The following VSNL1 variants were observed in gnomAD, a reference collection of about 807,000 sequenced individuals.
VSNL1 encodes the protein visinin like 1.
In VSNL1, 6 loss-of-function variants were observed where a neutral mutation model predicts 20.4. The observed-to-expected ratio is 0.29, with a 90% CI of 0.16 to 0.58. The LOEUF is 0.58. Among genes scored for constraint, VSNL1 ranks in the 20% least tolerant of loss-of-function variants. The pLI, the probability that VSNL1 is intolerant of heterozygous loss-of-function variation, is 0.90. For synonymous variants in VSNL1, 93 were observed against 86.4 expected (o/e 1.08, Z -0.42); for missense variants, 100 against 234.5 (o/e 0.43, Z 3.75).
chr2:17,591,803 T>A (rs1273296735), intron 1 of VSNL1, among the ~76,000 whole-genome samples: 1 of 152,058 alleles, frequency 6.6e-6, no homozygotes, highest in Non-Finnish European at 1.5e-5. Flanking sequence ...GATGGTTGCC[T>A]TCCATTTGGG....
At chr2:17,654,096 A>G (rs1572227134) in intron 3 of VSNL1, among the ~76,000 whole-genome samples, 1 of 152,260 alleles carries the variant, frequency 6.6e-6, no homozygotes, top group South Asian at 2.1e-4. Flanking sequence ...GCTGTATCCT[A>G]TTTGTTTACA....
chr2:17,644,780 T>C (rs1048082706), intron 2 of VSNL1, among the ~76,000 whole-genome samples: 1 of 152,194 alleles, frequency 6.6e-6, no homozygotes, highest in East Asian at 1.9e-4. Context: ...ACTGTCTCAG[T>C]AGCAGGGCCT....
intron 2 of VSNL1, among the ~76,000 whole-genome samples, chr2:17,601,073 G>A (rs949092474): frequency 1.3e-5 from 2 of 152,258 alleles, no homozygotes; most frequent in African/African-American, 4.8e-5. Flanking sequence ...CCATGGTAGG[G>A]CAGGTGTCAT....
At chr2:17,564,910 T>C (rs1035961633) in intron 1 of VSNL1, among the ~76,000 whole-genome samples, 1 of 152,212 alleles carries the variant, frequency 6.6e-6, no homozygotes, top group Non-Finnish European at 1.5e-5. Context: ...TCAATTTAGT[T>C]GAATTTCTAT....
rs1558303600 is a variant in VSNL1 at position 17,622,544 on chromosome 2, GAAAGAAAGAAA to G, written c.163-26865_163-26855del. Among the ~76,000 whole-genome samples the G allele has an allele frequency of 3.0e-3, 173 of 58,088 alleles. 2 individuals carry two copies. Among genetic ancestry groups the G allele is most frequent in the Middle Eastern group, 8.2e-3 (1 of 122 alleles). 38.1% of individuals were successfully genotyped at this position (58,088 alleles called of 152,430 possible). On this transcript the variant is annotated intron_variant, in intron 2 of 3. Transcript: ENST00000295156. ...AAAAGAAAGAAAGAAAAGAAAGAAA[GAAAGAAAGAAA>G]GAAAGAAAGAAAGAAAGAAAGAAAG...
At chr2:17,632,921 A>AG (rs1236837415) in intron 2 of VSNL1, among the ~76,000 whole-genome samples, 4 of 152,228 alleles carry the variant, frequency 2.6e-5, no homozygotes, top group Non-Finnish European at 4.4e-5. Context: ...TGGGAAGCCA[A>AG]GGCAGGCAGA....
rs1666087188 is a variant in VSNL1 at position 17,649,862 on chromosome 2, C to T, written c.378+237C>T. On this transcript the variant is annotated intron_variant, in intron 3 of 3. Transcript: ENST00000295156. The surrounding 1 kb of genome is among the most constrained non-coding windows in gnomAD (Gnocchi z 6.4). ...GGCATTGTCATCTGCCATTCACTCA[C>T]TACTGGATCTCCCACGAACCTGTCT... is the stretch of plus-strand genomic sequence containing the variant. Among the ~76,000 whole-genome samples, 1 of 152,220 alleles carries T rather than the reference C, an allele frequency of 6.6e-6. No homozygotes were observed. Among genetic ancestry groups the T allele is most frequent in the African/African-American group, 2.4e-5 (1 of 41,458 alleles).
chr2:17,608,358 C>T (rs1665003531), intron 2 of VSNL1, among the ~76,000 whole-genome samples: 1 of 152,298 alleles, frequency 6.6e-6, no homozygotes, highest in East Asian at 1.9e-4. Context: ...ATGATGACAT[C>T]GTGTTAAAGC....
chr2:17,605,590 T>G lies in VSNL1; in HGVS notation c.162+13354T>G, dbSNP rs191172574. Among the ~76,000 whole-genome samples the G allele has an allele frequency of 3.8e-3, 576 of 152,114 alleles. 5 individuals are homozygous for G. The highest frequency in any genetic ancestry group is 0.013 in the African/African-American group (541 of 41,492). The stretch of plus-strand genomic sequence containing the variant: ...GAAAGGCTCTCGGAGAATACAATTT[T>G]CCCTCAACAAAACAACCCAGGCAGA... On this transcript the variant is annotated intron_variant, in intron 2 of 3. Transcript: ENST00000295156.
chr2:17,624,356 TG>T (rs778814148), intron 2 of VSNL1, among the ~76,000 whole-genome samples: 5 of 152,306 alleles, frequency 3.3e-5, no homozygotes, highest in Non-Finnish European at 5.9e-5. Context: ...AAGGAACAAA[TG>T]TAATAGGCAG....
chr2:17,566,764 T>A (rs1050750289), intron 1 of VSNL1, among the ~76,000 whole-genome samples: 3 of 152,178 alleles, frequency 2.0e-5, no homozygotes, highest in Non-Finnish European at 4.4e-5. Context: ...CTGTGTTAAG[T>A]TTGGGTTTTA....
chr2:17,625,898 G>A (rs1001208637), intron 2 of VSNL1, among the ~76,000 whole-genome samples: 3 of 144,872 alleles, frequency 2.1e-5, no homozygotes, highest in African/African-American at 5.2e-5. Context: ...CGCCTTCCCG[G>A]TTCAAGTGAT....
intron 1 of VSNL1, among the ~76,000 whole-genome samples, chr2:17,543,428 C>T (rs1191031024): frequency 6.6e-6 from 1 of 152,228 alleles, no homozygotes; most frequent in African/African-American, 2.4e-5. Context: ...TCCTCCAAAA[C>T]CACTGCAGCT....
intron 1 of VSNL1, among the ~76,000 whole-genome samples, chr2:17,591,148 A>G (rs1664585465): frequency 6.6e-6 from 1 of 152,166 alleles, no homozygotes; most frequent in Admixed American, 6.5e-5. Context: ...TGAATCTGAA[A>G]GAGCTTCATT....
chr2:17,617,438 G>A (rs547331744), intron 2 of VSNL1, among the ~76,000 whole-genome samples: 2 of 152,128 alleles, frequency 1.3e-5, no homozygotes, highest in East Asian at 3.9e-4. Flanking sequence ...AGAGGTTGTA[G>A]TGAGCCATGA....
chr2:17,607,678 G>A (rs976940793), intron 2 of VSNL1, among the ~76,000 whole-genome samples: 2 of 152,232 alleles, frequency 1.3e-5, no homozygotes, highest in Non-Finnish European at 2.9e-5. Context: ...TACCCACAAG[G>A]TCAGGGACTG....
At chr2:17,626,315 G>A (rs908940754) in intron 2 of VSNL1, among the ~76,000 whole-genome samples, 2 of 152,210 alleles carry the variant, frequency 1.3e-5, no homozygotes, top group Non-Finnish European at 2.9e-5. Context: ...GAGGACTTGT[G>A]TAGTACCCCT....
intron 1 of VSNL1, among the ~76,000 whole-genome samples, chr2:17,545,641 G>A (rs913017540): frequency 3.3e-5 from 5 of 152,100 alleles, no homozygotes; most frequent in Non-Finnish European, 5.9e-5. Flanking sequence ...GCACTCTTAA[G>A]TGAATCAAAA....
intron 1 of VSNL1, among the ~76,000 whole-genome samples, chr2:17,564,545 A>G (rs1362686765): frequency 1.3e-5 from 2 of 152,100 alleles, no homozygotes; most frequent in Non-Finnish European, 2.9e-5. Context: ...AAACCAGATG[A>G]CTCAAAGTGT....
Sources: allele counts gnomAD v4.1 joint callset (sites outside exome capture counted in the v4.1 genomes callset), GRCh38; gene constraint gnomAD v4.1.1; non-coding constraint Gnocchi (gnomAD v3.1); transcripts MANE v1.5; gene names NCBI Gene and HGNC (gene_info 2026-07-23, HGNC 2026-07-21).